DCLK1: variants seen among roughly 807,000 people sequenced by gnomAD.
DCLK1 encodes the protein doublecortin like kinase 1, also known as serine/threonine-protein kinase DCLK1.
A neutral mutation model predicts 86.2 loss-of-function variants in DCLK1; 16 were observed. The observed-to-expected ratio is 0.19, with a 90% CI of 0.13 to 0.28. DCLK1 has a LOEUF of 0.28. Among genes scored for constraint, DCLK1 ranks in the 10% least tolerant of loss-of-function variants. DCLK1 has a pLI of 1.00. For missense variants in DCLK1, 590 were observed against 940.2 expected (o/e 0.63, Z 4.87); for synonymous variants, 369 against 370.5 (o/e 1.00, Z 0.05).
intron 4 of DCLK1, among the ~76,000 whole-genome samples, chr13:35,932,640 A>G (rs1876520826): frequency 6.6e-6 from 1 of 152,174 alleles, no homozygotes; most frequent in Admixed American, 6.5e-5. Context: ...AATCCCCAAC[A>G]AAAGCATCAG....
intron 3 of DCLK1, among the ~76,000 whole-genome samples, chr13:36,038,587 T>G (rs1046551487): frequency 6.6e-6 from 1 of 152,190 alleles, no homozygotes; most frequent in Non-Finnish European, 1.5e-5. Flanking sequence ...CCTAAGCAAC[T>G]TATGCACAAC....
intron 3 of DCLK1, among the ~76,000 whole-genome samples, chr13:35,999,750 C>T (rs895501307): frequency 3.3e-5 from 5 of 152,150 alleles, no homozygotes; most frequent in Non-Finnish European, 5.9e-5. Flanking sequence ...TTATTATGCC[C>T]TAGTACCAAA....
At chr13:35,819,824 C>T (rs1382812914) in intron 11 of DCLK1, among the ~76,000 whole-genome samples, 2 of 151,768 alleles carry the variant, frequency 1.3e-5, no homozygotes, top group Non-Finnish European at 2.9e-5. Flanking sequence ...CATATATTAT[C>T]GTTAGGCAGT....
At chr13:36,107,157 G>A (rs1885424758) in intron 3 of DCLK1, among the ~76,000 whole-genome samples, 1 of 152,008 alleles carries the variant, frequency 6.6e-6, no homozygotes, top group Admixed American at 6.5e-5. Flanking sequence ...ATGTAATGAT[G>A]GATTAATTTA....
intron 3 of DCLK1, among the ~76,000 whole-genome samples, chr13:36,030,772 T>C (rs1016547565): frequency 1.3e-5 from 2 of 152,044 alleles, no homozygotes; most frequent in African/African-American, 4.8e-5. Context: ...ACAAATAGAA[T>C]AAACGTTTCT....
intron 5 of DCLK1, among the ~76,000 whole-genome samples, chr13:35,860,424 C>T (rs974536921): frequency 6.6e-6 from 1 of 151,978 alleles, no homozygotes; most frequent in African/African-American, 2.4e-5. Context: ...TGGGTGCTCA[C>T]CTCATAGGTG....
intron 16 of DCLK1, among the ~76,000 whole-genome samples, chr13:35,787,329 C>A (rs1371328110): frequency 6.6e-6 from 1 of 151,320 alleles, no homozygotes; most frequent in Non-Finnish European, 1.5e-5. Context: ...CTGGAGATCA[C>A]TTCAGAAACA....
intron 3 of DCLK1, among the ~76,000 whole-genome samples, chr13:36,012,454 C>G (rs1013200206): frequency 3.3e-5 from 5 of 150,148 alleles, no homozygotes; most frequent in African/African-American, 1.2e-4. Context: ...ATTTGCTTGT[C>G]TGTAAAGTAT....
At chr13:35,822,330 A>AAT (rs1555342099) in intron 11 of DCLK1, among the ~76,000 whole-genome samples, 1 of 151,434 alleles carries the variant, frequency 6.6e-6, no homozygotes, top group East Asian at 2.0e-4. Flanking sequence ...ATTAAAAAAA[A>AAT]TTTTTTTTGT....
chr13:35,788,320 A>G, intron 16 of DCLK1: 1 of 1,595,640 alleles, frequency 6.3e-7, no homozygotes, highest in Non-Finnish European at 8.6e-7. Flanking sequence ...TCAGTGGATC[A>G]GCATTGTGCT....
At chr13:35,991,247 A>G (rs975474061) in intron 3 of DCLK1, among the ~76,000 whole-genome samples, 1 of 152,160 alleles carries the variant, frequency 6.6e-6, no homozygotes, top group African/African-American at 2.4e-5. Context: ...TTACCATTAG[A>G]TCAGACCTTT....
At chr13:35,919,200 T>C (rs971463127) in intron 4 of DCLK1, among the ~76,000 whole-genome samples, 1 of 151,854 alleles carries the variant, frequency 6.6e-6, no homozygotes, top group East Asian at 1.9e-4. Context: ...CCCCCAAGAG[T>C]TTTAAAACAA....
intron 3 of DCLK1, among the ~76,000 whole-genome samples, chr13:36,033,197 G>T (rs1771941943): frequency 6.6e-6 from 1 of 152,168 alleles, no homozygotes; most frequent in African/African-American, 2.4e-5. Flanking sequence ...GCTTTTGTCA[G>T]TTTGAAATAA....
intron 2 of DCLK1, among the ~76,000 whole-genome samples, chr13:36,120,123 TAAAC>T (rs778799369): frequency 4.6e-5 from 7 of 152,124 alleles, no homozygotes; most frequent in Non-Finnish European, 1.0e-4. Context: ...AGTGAAAACA[TAAAC>T]ATACCACAAG....
intron 3 of DCLK1, among the ~76,000 whole-genome samples, chr13:35,974,101 T>C (rs1879203395): frequency 1.3e-5 from 2 of 152,046 alleles, no homozygotes; most frequent in Admixed American, 1.3e-4. Flanking sequence ...TAAAACAAAA[T>C]GACAAAAGTT....
chr13:35,796,517 A>G (rs1169163240), intron 15 of DCLK1, among the ~76,000 whole-genome samples: 1 of 152,186 alleles, frequency 6.6e-6, no homozygotes, highest in Non-Finnish European at 1.5e-5. Flanking sequence ...GAGGGAAGTT[A>G]GAAGAGCACG....
intron 4 of DCLK1, among the ~76,000 whole-genome samples, chr13:35,902,339 A>G (rs1025095407): frequency 6.6e-6 from 1 of 152,228 alleles, no homozygotes; most frequent in African/African-American, 2.4e-5. Flanking sequence ...GCCACCACAG[A>G]CATTGCTAAT....
chr13:35,850,562 G>A (rs190982271), intron 6 of DCLK1: 15 of 1,256,752 alleles, frequency 1.2e-5, no homozygotes, highest in Middle Eastern at 3.0e-4. Context: ...TGAACATCAC[G>A]AAAACAAAAT....
chr13:35,824,823 ACTT>A (rs2087482456), intron 10 of DCLK1, among the ~76,000 whole-genome samples: 1 of 151,978 alleles, frequency 6.6e-6, no homozygotes, highest in Non-Finnish European at 1.5e-5. Context: ...TCTTGCCACT[ACTT>A]AACATAGTGA....
Sources: allele counts gnomAD v4.1 joint callset (sites outside exome capture counted in the v4.1 genomes callset), GRCh38; gene constraint gnomAD v4.1.1; transcripts MANE v1.5; gene names NCBI Gene and HGNC (gene_info 2026-07-23, HGNC 2026-07-21).